The following DCAF6 variants were observed in gnomAD, a reference collection of about 807,000 sequenced individuals.
DCAF6 encodes the protein DDB1 and CUL4 associated factor 6.
In DCAF6, 54 loss-of-function variants were observed where a neutral mutation model predicts 125.1. The ratio of observed to expected loss-of-function variants is 0.43; its 90% CI spans 0.35 to 0.54. The LOEUF (loss-of-function observed/expected upper bound fraction) is 0.54, where lower values mean the gene tolerates loss of function less well. Ranked by LOEUF, DCAF6 falls within the 20% of genes least tolerant of loss-of-function variation. The probability of loss-of-function intolerance (pLI) is 0.01; values close to 1 mark genes in which losing one functional copy is unlikely to be tolerated. For missense variants in DCAF6, 934 were observed against 1,161.7 expected, an observed-to-expected ratio of 0.80 and a Z score of 2.85; for synonymous variants, 371 against 390.4, an observed-to-expected ratio of 0.95 and a Z score of 0.58.
chr1:167,930,138 T>A, the DCAF6 span, among the ~76,000 whole-genome samples: 5 of 152,214 alleles, frequency 3.3e-5, no homozygotes, highest in African/African-American at 4.8e-5. Context: ...ATAATTTTAA[T>A]ATTTTCCACA....
the DCAF6 span, among the ~76,000 whole-genome samples, chr1:167,892,462 G>T: frequency 6.6e-6 from 1 of 152,106 alleles, no homozygotes; most frequent in African/African-American, 2.4e-5. Flanking sequence ...CTCTTCACCA[G>T]GTAAACATTT....
intron 7 of DCAF6, among the ~76,000 whole-genome samples, chr1:168,000,098 A>G (rs573108923): frequency 6.6e-6 from 1 of 152,154 alleles, no homozygotes; most frequent in Admixed American, 6.6e-5. Context: ...CCTAATTTCA[A>G]TATTATTGTT....
chr1:168,051,993 G>A (rs892146027), intron 17 of DCAF6, among the ~76,000 whole-genome samples: 11 of 151,240 alleles, frequency 7.3e-5, no homozygotes, highest in African/African-American at 2.4e-4. Flanking sequence ...TGATTTTCCC[G>A]CCTCAGCCTC....
At chr1:167,998,376 CTGAT>C (rs1345258099) in intron 7 of DCAF6, among the ~76,000 whole-genome samples, 1 of 152,142 alleles carries the variant, frequency 6.6e-6, no homozygotes, top group African/African-American at 2.4e-5. Flanking sequence ...TCACTGCTGA[CTGAT>C]CAGAGTGGTG....
chr1:168,071,161 A>C (rs1397937677), intron 21 of DCAF6, among the ~76,000 whole-genome samples: 1 of 152,232 alleles, frequency 6.6e-6, no homozygotes, highest in Non-Finnish European at 1.5e-5. Flanking sequence ...CAGCAGCCAG[A>C]GGGATCCTTT....
At chr1:168,064,358 G>A (rs915932259) in intron 18 of DCAF6, among the ~76,000 whole-genome samples, 4 of 152,060 alleles carry the variant, frequency 2.6e-5, no homozygotes, top group Non-Finnish European at 5.9e-5. Flanking sequence ...GAGATGACTA[G>A]TGTAACTGTT....
At chr1:167,951,521 G>C (rs998849965) in intron 1 of DCAF6, among the ~76,000 whole-genome samples, 8 of 152,172 alleles carry the variant, frequency 5.3e-5, no homozygotes, top group Admixed American at 5.2e-4. Flanking sequence ...GTTGCAGTGA[G>C]CTGAGATCAT....
chr1:167,908,406 G>T, the DCAF6 span, among the ~76,000 whole-genome samples: 1 of 152,138 alleles, frequency 6.6e-6, no homozygotes, highest in Admixed American at 6.5e-5. Context: ...GGGGTTGGGT[G>T]GGTGGAATGA....
At chr1:168,047,089 GT>G (rs995690907) in intron 16 of DCAF6, among the ~76,000 whole-genome samples, 2 of 152,194 alleles carry the variant, frequency 1.3e-5, no homozygotes, top group African/African-American at 4.8e-5. Flanking sequence ...GAGCTAAGGA[GT>G]TTTGTTTTTT....
the DCAF6 span, among the ~76,000 whole-genome samples, chr1:167,912,991 C>A: frequency 2.0e-5 from 3 of 152,194 alleles, no homozygotes; most frequent in African/African-American, 7.2e-5. Context: ...CATTTGTATA[C>A]GCTTTATAGC....
the DCAF6 span, chr1:167,920,214 T>A: frequency 1.6e-6 from 1 of 642,134 alleles, no homozygotes; most frequent in Non-Finnish European, 2.7e-6. Flanking sequence ...AATGCTATAC[T>A]CTGAATTTTC....
upstream of DCAF6, chr1:167,936,086 GGAGA>G: frequency 1.8e-6 from 1 of 568,616 alleles, no homozygotes; most frequent in East Asian, 3.0e-5. Flanking sequence ...GCCCCCGGCA[GGAGA>G]GAGGGAGGAG....
chr1:167,925,442 C>CAT, the DCAF6 span, among the ~76,000 whole-genome samples: 6,772 of 82,182 alleles, frequency 0.082, 311 homozygotes, highest in Non-Finnish European at 0.099. Context: ...TACATATACA[C>CAT]ATATATATAT....
intron 7 of DCAF6, among the ~76,000 whole-genome samples, chr1:167,993,976 A>G (rs1342053776): frequency 6.6e-6 from 1 of 152,128 alleles, no homozygotes; most frequent in African/African-American, 2.4e-5. Context: ...ACTAATTACT[A>G]ATAGTTACTA....
chr1:167,960,971 T>G (rs1271195561), intron 2 of DCAF6, among the ~76,000 whole-genome samples: 1 of 152,200 alleles, frequency 6.6e-6, no homozygotes, highest in Non-Finnish European at 1.5e-5. Context: ...TTTCTATTTA[T>G]TAATATGGAA....
At chr1:167,938,091 C>T (rs1281343422) in intron 1 of DCAF6, among the ~76,000 whole-genome samples, 2 of 152,174 alleles carry the variant, frequency 1.3e-5, no homozygotes, top group Non-Finnish European at 2.9e-5. Context: ...AATACGAATA[C>T]ATTTTGTTTA....
intron 10 of DCAF6, among the ~76,000 whole-genome samples, chr1:168,009,314 C>G (rs1683842416): frequency 6.6e-6 from 1 of 151,092 alleles, no homozygotes; most frequent in Non-Finnish European, 1.5e-5. Context: ...TTTTCTTTCT[C>G]TTCTCTTCTC....
rs1692093366 is a variant in DCAF6 at position 168,064,606 on chromosome 1, A to G, written c.2439+847A>G. Among the ~76,000 whole-genome samples, 3 of 152,180 alleles carry G rather than the reference A, an allele frequency of 2.0e-5. No individual in the cohort carries two copies. In the South Asian group the frequency reaches 6.2e-4, roughly 32 times the overall value. On this transcript the variant is annotated intron_variant, in intron 18 of 21. Transcript: ENST00000367840. ...TTTACTCATTTTTAAAAGGTTACTC[A>G]TTATTAATAGAAGTAACCAATTTAT...
At chr1:167,944,720 A>G (rs938550243) in intron 1 of DCAF6, among the ~76,000 whole-genome samples, 1 of 152,124 alleles carries the variant, frequency 6.6e-6, no homozygotes, top group East Asian at 1.9e-4. Flanking sequence ...TGTTGGATGA[A>G]TAATTTGCAG....
Sources: allele counts gnomAD v4.1 joint callset (sites outside exome capture counted in the v4.1 genomes callset), GRCh38; gene constraint gnomAD v4.1.1; transcripts MANE v1.5; gene names NCBI Gene and HGNC (gene_info 2026-07-23, HGNC 2026-07-21).